The following BCAS1 variants were observed in gnomAD, a reference collection of about 807,000 sequenced individuals.
BCAS1 encodes breast carcinoma-amplified sequence 1.
BCAS1 carries 46 observed loss-of-function variants against 65.4 expected under a neutral mutation model. That is an observed-to-expected ratio of 0.70 (90% CI 0.55 to 0.90). BCAS1 has a LOEUF of 0.90. Ranked by LOEUF, BCAS1 falls within the 40% of genes least tolerant of loss-of-function variation. The pLI is 0.00. For missense variants in BCAS1, 793 were observed against 771.2 expected (o/e 1.03, Z -0.33); for synonymous variants, 298 against 293.5 (o/e 1.02, Z -0.16).
chr20:54,018,585 C>A (rs2091490615), intron 4 of BCAS1, among the ~76,000 whole-genome samples: 1 of 152,100 alleles, frequency 6.6e-6, no homozygotes, highest in Non-Finnish European at 1.5e-5. Context: ...ATCCACTTGC[C>A]TCGGCCTCCC....
chr20:54,005,498 GA>G (rs1490532384), intron 4 of BCAS1, among the ~76,000 whole-genome samples: 2 of 151,562 alleles, frequency 1.3e-5, no homozygotes, highest in African/African-American at 2.4e-5. Flanking sequence ...AAGATAAAAA[GA>G]AAAAAAAGAC....
chr20:53,957,867 C>T (rs924461235), intron 10 of BCAS1, among the ~76,000 whole-genome samples: 3 of 149,412 alleles, frequency 2.0e-5, no homozygotes, highest in African/African-American at 7.4e-5. Flanking sequence ...AATATTTAGG[C>T]TGTGGGTGTT....
chr20:54,019,619 GAGA>G (rs200662400), intron 4 of BCAS1, among the ~76,000 whole-genome samples: 2,722 of 152,306 alleles, frequency 0.018, 36 homozygotes, highest in Middle Eastern at 0.037. Flanking sequence ...AGCGGACTGG[GAGA>G]AGAAGACCCA....
intron 9 of BCAS1, among the ~76,000 whole-genome samples, chr20:53,968,039 T>A (rs1195472369): frequency 2.6e-5 from 4 of 152,216 alleles, no homozygotes; most frequent in Non-Finnish European, 5.9e-5. Context: ...ATTTATTTAT[T>A]TAAGAAATGA....
Position 54,028,910 on chromosome 20 carries a change from T to A in BCAS1, c.205A>T (p.Ile69Leu). 1 of 1,614,036 alleles carries A rather than the reference T, an allele frequency of 6.2e-7. No homozygotes were observed. Among genetic ancestry groups the A allele is most frequent in the Non-Finnish European group, 8.5e-7 (1 of 1,180,008 alleles). Residue 69 changes from isoleucine (I) to leucine (L), a missense_variant, in exon 4 of 13, where the codon ATA becomes TTA. Physicochemically the swap from Ile to Leu is conservative, Grantham distance 5. Transcript: ENST00000688948. ...VATSSPETTEISAVADANGKN... is the reference protein window; with the variant it reads ...VATSSPETTELSAVADANGKN... ...CCGTTGGCATCCGCAACAGCACTTATCTCCGTTGTCTCGGGGGAAGAAGTG... is the reference window on the plus strand; with the variant it reads ...CCGTTGGCATCCGCAACAGCACTTAACTCCGTTGTCTCGGGGGAAGAAGTG...
Position 54,058,099 on chromosome 20 carries a change from T to G in BCAS1, c.128A>C (p.Gln43Pro). The change falls in exon 3 of 13, where the codon CAG becomes CCG. Residue 43 changes from glutamine to proline, a missense_variant. Coordinates refer to ENST00000688948, the MANE Select transcript of BCAS1 (RefSeq NM_001366298.2). ...VPVVVSTHTV[Q>P]HLEEVDLGIS... ...GTAGCACTGACCTTCCTCTAAGTGCTGAACTGTGTGGGTCGACACCACCAC... is the reference window on the plus strand; with the variant it reads ...GTAGCACTGACCTTCCTCTAAGTGCGGAACTGTGTGGGTCGACACCACCAC... 6.2e-7 allele frequency: 1 copy of G among 1,613,728 alleles called. No homozygotes were observed. Among genetic ancestry groups the G allele is most frequent in the East Asian group, 2.2e-5 (1 of 44,862 alleles).
At chr20:54,058,618 T>C (rs2092334283) in intron 2 of BCAS1, 29 bp downstream of exon 2, 1 of 1,427,912 alleles carries the variant, frequency 7.0e-7, no homozygotes, top group Non-Finnish European at 9.4e-7. Flanking sequence ...TTTTTTCTGC[T>C]GATGCCCCTG....
intron 1 of BCAS1, among the ~76,000 whole-genome samples, chr20:54,068,650 G>A (rs2092475013): frequency 6.6e-6 from 1 of 152,248 alleles, no homozygotes; most frequent in East Asian, 1.9e-4. Context: ...ACCTCCATGA[G>A]GGTAGGCACC....
chr20:53,977,002 T>C (rs1352069130), intron 8 of BCAS1, among the ~76,000 whole-genome samples: 5 of 152,210 alleles, frequency 3.3e-5, no homozygotes, highest in South Asian at 2.1e-4. Flanking sequence ...AGAGGCATAA[T>C]GGACTCACAG....
intron 4 of BCAS1, among the ~76,000 whole-genome samples, chr20:53,996,942 T>C (rs1438779698): frequency 6.6e-6 from 1 of 152,256 alleles, no homozygotes; most frequent in Non-Finnish European, 1.5e-5. Context: ...TTTTCAAACA[T>C]ACCACAGGTT....
chr20:53,989,966 A>G (rs577914356), intron 7 of BCAS1, among the ~76,000 whole-genome samples: 1 of 152,328 alleles, frequency 6.6e-6, no homozygotes, highest in Non-Finnish European at 1.5e-5. Context: ...TGAGTCCTGT[A>G]TATTTTACCT....
chr20:54,010,013 A>T (rs2091286257), intron 4 of BCAS1, among the ~76,000 whole-genome samples: 1 of 152,216 alleles, frequency 6.6e-6, no homozygotes, highest in Non-Finnish European at 1.5e-5. Flanking sequence ...AAAAGTATTC[A>T]ACAAAATTCA....
At chr20:53,980,113 T>C (rs892826969) in intron 8 of BCAS1, among the ~76,000 whole-genome samples, 1 of 152,174 alleles carries the variant, frequency 6.6e-6, no homozygotes, top group Non-Finnish European at 1.5e-5. Context: ...TACCATAACA[T>C]AGTGTTATGT....
At chr20:54,049,990 T>C (rs761540903) in intron 3 of BCAS1, among the ~76,000 whole-genome samples, 3 of 152,246 alleles carry the variant, frequency 2.0e-5, no homozygotes, top group Non-Finnish European at 4.4e-5. Flanking sequence ...ATTACAGTTC[T>C]GAAGCCTGTA....
intron 4 of BCAS1, among the ~76,000 whole-genome samples, chr20:54,019,612 G>A (rs895835336): frequency 3.3e-5 from 5 of 152,014 alleles, no homozygotes; most frequent in Non-Finnish European, 5.9e-5. Flanking sequence ...TTGAGTCAGC[G>A]GACTGGGAGA....
intron 9 of BCAS1, among the ~76,000 whole-genome samples, chr20:53,968,975 C>T (rs570575045): frequency 2.0e-5 from 3 of 152,298 alleles, no homozygotes; most frequent in African/African-American, 7.2e-5. Context: ...CATGGATTTC[C>T]ACATTTTGAA....
At chr20:54,020,091 T>C (rs2091524923) in intron 4 of BCAS1, among the ~76,000 whole-genome samples, 1 of 152,222 alleles carries the variant, frequency 6.6e-6, no homozygotes, top group Non-Finnish European at 1.5e-5. Flanking sequence ...ATATAAGATG[T>C]TTCAAAAGTT....
chr20:54,042,921 A>T (rs1031129103), intron 3 of BCAS1, among the ~76,000 whole-genome samples: 10 of 152,258 alleles, frequency 6.6e-5, no homozygotes, highest in Non-Finnish European at 1.2e-4. Flanking sequence ...CTGATAGGCC[A>T]GGTGGGCCCT....
Position 54,007,055 on chromosome 20 carries a change from C to T in BCAS1, c.724-11005G>A, listed in dbSNP as rs77206813. Among the ~76,000 whole-genome samples the T allele has an allele frequency of 6.7e-3, 1,024 of 152,212 alleles. 8 individuals carry two copies. Among genetic ancestry groups the T allele is most frequent in the Non-Finnish European group, 0.011 (755 of 68,010 alleles). On this transcript the variant is annotated intron_variant, in intron 4 of 12. Transcript: ENST00000688948. ...AGTAGGCAAGGTTCTCTGAAGTTGG[C>T]GTGGAGGCAAGGAGGTAGCTCTTCT...
Sources: allele counts gnomAD v4.1 joint callset (sites outside exome capture counted in the v4.1 genomes callset), GRCh38; gene constraint gnomAD v4.1.1; transcripts MANE v1.5; gene names NCBI Gene and HGNC (gene_info 2026-07-23, HGNC 2026-07-21).